The following AIFM1 variants were observed in gnomAD, a reference collection of about 807,000 sequenced individuals.
AIFM1 encodes apoptosis inducing factor mitochondria associated 1, also known as apoptosis-inducing factor 1, mitochondrial.
A neutral mutation model predicts 51.7 loss-of-function variants in AIFM1; 3 were observed. The ratio of observed to expected loss-of-function variants is 0.06; its 90% CI spans 0.03 to 0.15. The LOEUF is 0.15. Among genes scored for constraint, AIFM1 ranks in the 10% least tolerant of loss-of-function variants. The probability of loss-of-function intolerance (pLI) is 1.00; values close to 1 mark genes in which losing one functional copy is unlikely to be tolerated. For missense variants in AIFM1, 330 were observed against 476.8 expected, an observed-to-expected ratio of 0.69 and a Z score of 2.87; for synonymous variants, 178 against 179.4, an observed-to-expected ratio of 0.99 and a Z score of 0.06.
chrX:130,163,301 C>T (rs209542), intron 1 of AIFM1, among the ~76,000 whole-genome samples: 48,019 of 93,854 alleles, frequency 0.51, 11,537 homozygotes, highest in African/African-American at 0.81. Flanking sequence ...CGAGACTCCG[C>T]CTCAAAAAAA....
chrX:130,156,327 A>C (rs1371224213), intron 2 of AIFM1, 134 bp downstream of exon 2: 8 of 827,832 alleles, frequency 9.7e-6, no homozygotes, highest in African/African-American at 2.0e-5. Context: ...CAGGCACTTA[A>C]GAGAAGGCTT....
At chrX:130,131,043 G>T (rs969300985) in intron 14 of AIFM1, among the ~76,000 whole-genome samples, 1 of 112,409 alleles carries the variant, frequency 8.9e-6, no homozygotes, top group Admixed American at 9.4e-5. Flanking sequence ...TCTGGCAAAA[G>T]GATGCAGAAG....
At chrX:130,155,476 G>A (rs2031134244) in intron 2 of AIFM1, among the ~76,000 whole-genome samples, 3 of 112,275 alleles carry the variant, frequency 2.7e-5, no homozygotes, top group Admixed American at 9.4e-5. Flanking sequence ...GACAGCTCTC[G>A]CCTATTTCTT....
rs2301400 is a variant in AIFM1, at chrX:130,139,945, C to T, written c.782-74G>A. On this transcript the variant is annotated intron_variant, in intron 7 of 15. Transcript: ENST00000287295. ...CCCAAACAATACTCCCTCCACCACA[C>T]AAAGGTGGAGCCCTCTTCACTTAGC... 221 of 871,877 alleles carry T rather than the reference C, an allele frequency of 2.5e-4. 3 individuals carry two copies. The East Asian group carries it at 6.8e-3, about 27-fold the overall frequency. 71.9% of individuals were successfully genotyped at this position (871,877 alleles called of 1,213,427 possible). A position where few individuals can be genotyped will look rare whatever the true frequency, so the allele number is the denominator to read the frequency against.
chrX:130,133,876 C>T (rs1015609746), intron 12 of AIFM1, among the ~76,000 whole-genome samples: 1 of 108,926 alleles, frequency 9.2e-6, no homozygotes, highest in Non-Finnish European at 1.9e-5. Context: ...AAGCAATGTG[C>T]CTGCCTCAGC....
chrX:130,162,727 G>A (rs931349924), intron 1 of AIFM1, among the ~76,000 whole-genome samples: 1 of 111,631 alleles, frequency 9.0e-6, no homozygotes, highest in Non-Finnish European at 1.9e-5. Context: ...TCCAAATAGA[G>A]AAAAACGTTC....
intron 3 of AIFM1, 111 bp from the exon 4 acceptor site, chrX:130,147,987 G>T (rs2030817303): frequency 7.1e-6 from 7 of 986,689 alleles, no homozygotes; most frequent in Admixed American, 2.2e-5. Context: ...CATAAAGCTA[G>T]CAAAACATAT....
chrX:130,155,580 A>G (rs2031137994), intron 2 of AIFM1, among the ~76,000 whole-genome samples: 1 of 112,203 alleles, frequency 8.9e-6, no homozygotes, highest in African/African-American at 3.2e-5. Context: ...AGCTTCAAAT[A>G]ATTTTCATGT....
chrX:130,149,619 A>G, intron 2 of AIFM1, 51 bp from the exon 3 acceptor site: 1 of 855,311 alleles, frequency 1.2e-6, no homozygotes, highest in Admixed American at 2.2e-5. Flanking sequence ...GCTAGCTCAT[A>G]CTGTAAGTAA....
chrX:130,163,145 C>A (rs2031405592), intron 1 of AIFM1, among the ~76,000 whole-genome samples: 1 of 109,601 alleles, frequency 9.1e-6, no homozygotes, highest in South Asian at 4.0e-4. Flanking sequence ...CCCGTCTCTA[C>A]TAAAAATACA....
chrX:130,139,290 C>G (rs1373000179), intron 8 of AIFM1, among the ~76,000 whole-genome samples: 1 of 109,462 alleles, frequency 9.1e-6, no homozygotes, highest in African/African-American at 3.3e-5. Context: ...CAAGATCGCA[C>G]CACCGCACTC....
intron 3 of AIFM1, among the ~76,000 whole-genome samples, chrX:130,149,048 A>G (rs2030865894): frequency 9.6e-6 from 1 of 104,301 alleles, no homozygotes. Context: ...CAGCCTCCCG[A>G]GCACCAGGGA....
intron 1 of AIFM1, among the ~76,000 whole-genome samples, chrX:130,162,603 G>A (rs937969685): frequency 8.9e-6 from 1 of 112,278 alleles, no homozygotes; most frequent in Non-Finnish European, 1.9e-5. Flanking sequence ...CAGAAACAAC[G>A]GGGGAAGACT....
chrX:130,141,632 A>G (rs1377870756), intron 6 of AIFM1, among the ~76,000 whole-genome samples: 1 of 111,340 alleles, frequency 9.0e-6, no homozygotes, highest in Non-Finnish European at 1.9e-5. Context: ...TGCTGCTTCC[A>G]GATTCTTGTA....
chrX:130,133,537 C>A lies in AIFM1; in HGVS notation c.1306-82G>T, dbSNP rs2030193892. ...AGACAAAATATAAACTTTGGGGGCT[C>A]AAAGAACACTTGTAATGGTAACTAA... On this transcript the variant is annotated intron_variant, in intron 12 of 15. Coordinates refer to ENST00000287295, the MANE Select transcript of AIFM1 (RefSeq NM_004208.4). The A allele has an allele frequency of 3.6e-6, 4 of 1,100,754 alleles. No individual in the cohort carries two copies. In the South Asian group the frequency reaches 7.5e-5, roughly 21 times the overall value. 90.7% of individuals were successfully genotyped at this position (1,100,754 alleles called of 1,213,427 possible).
chrX:130,147,732 C>CA lies in AIFM1; in HGVS notation c.474+19dup, dbSNP rs755573655. 1 of 1,211,746 alleles carries CA rather than the reference C, an allele frequency of 8.3e-7. No individual in the cohort carries two copies. Among genetic ancestry groups the CA allele is most frequent in the South Asian group, 1.8e-5 (1 of 56,981 alleles). ...TGCAGACTGTACCCTCTGTGCCAAG[C>CA]AAAAAAACATGCACCTTACCCTGGC... On this transcript the variant is annotated intron_variant, in intron 4 of 15. Coordinates refer to ENST00000287295, the MANE Select transcript of AIFM1 (RefSeq NM_004208.4).
chrX:130,154,637 T>C (rs1283078380), intron 2 of AIFM1, among the ~76,000 whole-genome samples: 8 of 112,023 alleles, frequency 7.1e-5, no homozygotes, highest in Non-Finnish European at 1.9e-5. Flanking sequence ...GAAAGGTGGA[T>C]GGGGAGAATA....
At chrX:130,136,940 G>T in intron 10 of AIFM1, 138 bp downstream of exon 10, 1 of 1,146,473 alleles carries the variant, frequency 8.7e-7, no homozygotes, top group East Asian at 3.1e-5. Flanking sequence ...GATGAACTTA[G>T]CTGACTGGAG....
At chrX:130,161,041 A>C (rs1201614484) in intron 1 of AIFM1, among the ~76,000 whole-genome samples, 1 of 111,775 alleles carries the variant, frequency 8.9e-6, no homozygotes, top group Non-Finnish European at 1.9e-5. Flanking sequence ...AATAGTAGCT[A>C]AACTAGCAAG....
Sources: gnomAD v4.1 joint callset for allele counts (sites outside exome capture counted in the v4.1 genomes callset) on GRCh38, gnomAD v4.1.1 for gene constraint, MANE v1.5 for transcripts, NCBI Gene and HGNC (gene_info 2026-07-23, HGNC 2026-07-21) for gene names.